Variants in FGF14 observed in about 807,000 individuals in gnomAD.
FGF14 encodes fibroblast growth factor homologous factor 4.
A neutral mutation model predicts 25.5 loss-of-function variants in FGF14; 5 were observed. The ratio of observed to expected loss-of-function variants is 0.20; its 90% CI spans 0.10 to 0.41. The LOEUF is 0.41. Ranked by LOEUF, FGF14 falls within the 10% of genes least tolerant of loss-of-function variation. FGF14 has a pLI of 1.00. For missense variants in FGF14, 222 were observed against 320.1 expected (o/e 0.69, Z 2.34); for synonymous variants, 138 against 118.3 (o/e 1.17, Z -1.08).
chr13:101,743,226 A>G (rs368129904), intron 3 of FGF14, among the ~76,000 whole-genome samples: 1 of 152,182 alleles, frequency 6.6e-6, no homozygotes, highest in East Asian at 1.9e-4. Flanking sequence ...TATACTTTCT[A>G]AATTGATTGA....
At chr13:102,192,856 C>T (rs967842275) in intron 1 of FGF14, among the ~76,000 whole-genome samples, 7 of 152,058 alleles carry the variant, frequency 4.6e-5, no homozygotes, top group African/African-American at 9.7e-5. Flanking sequence ...ATTCTCTTCA[C>T]GATTATTTAT....
intron 3 of FGF14, 106 bp from the exon 4 acceptor site, chr13:101,726,916 G>T (rs944666415): frequency 5.0e-5 from 41 of 827,854 alleles, no homozygotes; most frequent in Non-Finnish European, 7.4e-5. Context: ...GAGTGCTTTG[G>T]CATGGAGGAC....
intron 1 of FGF14, among the ~76,000 whole-genome samples, chr13:102,087,826 G>A (rs954591655): frequency 1.3e-5 from 2 of 151,804 alleles, no homozygotes; most frequent in African/African-American, 4.8e-5. Context: ...TGCCTTCTCT[G>A]TGTCAGATAA....
rs193031714 is a variant in FGF14, at chr13:101,896,015, A to G, written c.193+20438T>C. Among the ~76,000 whole-genome samples the G allele has an allele frequency of 5.3e-5, 8 of 152,274 alleles. No individual in the cohort carries two copies. In the East Asian group the frequency reaches 1.5e-3, roughly 29 times the overall value. On this transcript the variant is annotated intron_variant, in intron 1 of 4. Coordinates refer to ENST00000376143, the MANE Select transcript of FGF14 (RefSeq NM_004115.4). ...TTTGGTTTGATATCAAGTATTTTAA[A>G]TTACTTAACCATAATTAAAATTGAT...
chr13:101,788,955 GAGAGAGAGAGAGA>G (rs2040066041), intron 3 of FGF14, among the ~76,000 whole-genome samples: 1 of 28,498 alleles, frequency 3.5e-5, no homozygotes, highest in Non-Finnish European at 7.7e-5. Flanking sequence ...GAGACAGAGA[GAGAGAGAGAGAGA>G]GACAGAGATA....
chr13:101,887,359 CAT>C (rs1177922648), intron 1 of FGF14, among the ~76,000 whole-genome samples: 1 of 151,128 alleles, frequency 6.6e-6, no homozygotes, highest in East Asian at 1.9e-4. Flanking sequence ...CACACACACA[CAT>C]ACACACATGC....
At chr13:101,882,318 T>C (rs2045750907) in intron 1 of FGF14, among the ~76,000 whole-genome samples, 1 of 151,850 alleles carries the variant, frequency 6.6e-6, no homozygotes, top group Admixed American at 6.6e-5. Flanking sequence ...AATACAGAAT[T>C]AGCATGACAA....
chr13:101,776,363 T>C (rs1594207554), intron 3 of FGF14, among the ~76,000 whole-genome samples: 1 of 152,308 alleles, frequency 6.6e-6, no homozygotes, highest in South Asian at 2.1e-4. Context: ...GAAGCCATCA[T>C]CATTAGGATG....
intron 1 of FGF14, among the ~76,000 whole-genome samples, chr13:102,184,993 C>A: frequency 6.6e-6 from 1 of 151,698 alleles, no homozygotes; most frequent in African/African-American, 2.4e-5. Context: ...ATTTTGTGGC[C>A]ATTAAACATA....
intron 1 of FGF14, among the ~76,000 whole-genome samples, chr13:102,360,191 T>G (rs1449985059): frequency 6.6e-6 from 1 of 152,212 alleles, no homozygotes. Context: ...ATATGCTATG[T>G]GCAAAATCCT....
chr13:101,857,555 C>T, intron 3 of FGF14, among the ~76,000 whole-genome samples: 1 of 152,044 alleles, frequency 6.6e-6, no homozygotes, highest in East Asian at 1.9e-4. Flanking sequence ...GATGAGTTAT[C>T]TGAACACCAA....
intron 1 of FGF14, among the ~76,000 whole-genome samples, chr13:102,368,751 C>T (rs1186890040): frequency 6.6e-6 from 1 of 152,060 alleles, no homozygotes; most frequent in East Asian, 1.9e-4. Context: ...AATGCAATTC[C>T]CCTTCTTTTG....
intron 1 of FGF14, among the ~76,000 whole-genome samples, chr13:102,211,798 G>A (rs1390545910): frequency 6.6e-6 from 1 of 152,180 alleles, no homozygotes; most frequent in Non-Finnish European, 1.5e-5. Flanking sequence ...AGAATAATTT[G>A]CCAAACAGAG....
rs555426288 is a variant in FGF14, at chr13:102,016,533, T to C, written c.209-141237A>G. Among the ~76,000 whole-genome samples the C allele has an allele frequency of 3.9e-5, 6 of 152,294 alleles. No individual in the cohort carries two copies. In the East Asian group the frequency reaches 1.2e-3, roughly 29 times the overall value. On this transcript the variant is annotated intron_variant, in intron 1 of 4. Coordinates refer to the FGF14 transcript ENST00000376131. ...AATGTGAGCTGTATTGTACAGGTCT[T>C]AGAACCAGATTACATAGTAATATTT...
intron 1 of FGF14, among the ~76,000 whole-genome samples, chr13:102,261,649 A>G (rs2052722861): frequency 6.6e-6 from 1 of 152,216 alleles, no homozygotes; most frequent in African/African-American, 2.4e-5. Context: ...TTAGTGTCCA[A>G]TATCTTCTAT....
chr13:102,194,743 A>G (rs895492585), intron 1 of FGF14, among the ~76,000 whole-genome samples: 7 of 152,194 alleles, frequency 4.6e-5, no homozygotes, highest in Non-Finnish European at 7.3e-5. Flanking sequence ...TCATTAAACT[A>G]TACATATTAA....
At chr13:101,743,154 T>C (rs2036660460) in intron 3 of FGF14, among the ~76,000 whole-genome samples, 1 of 152,190 alleles carries the variant, frequency 6.6e-6, no homozygotes. Context: ...CCCAACCTTC[T>C]TGGGCACATG....
chr13:101,799,992 T>A (rs867273209), intron 3 of FGF14, among the ~76,000 whole-genome samples: 1 of 152,102 alleles, frequency 6.6e-6, no homozygotes, highest in Admixed American at 6.6e-5. Flanking sequence ...AAACTTTACA[T>A]AGAAGGAATG....
intron 1 of FGF14, among the ~76,000 whole-genome samples, chr13:101,935,485 G>A (rs190514802): frequency 6.6e-6 from 1 of 152,292 alleles, no homozygotes; most frequent in African/African-American, 2.4e-5. Flanking sequence ...TGGATCATGA[G>A]AGCGGTTTCT....
Sources: gnomAD v4.1 joint callset for allele counts (sites outside exome capture counted in the v4.1 genomes callset) on GRCh38, gnomAD v4.1.1 for gene constraint, MANE v1.5 for transcripts, NCBI Gene and HGNC (gene_info 2026-07-23, HGNC 2026-07-21) for gene names.